The following LUZP1 variants were observed in gnomAD, a reference collection of about 807,000 sequenced individuals.
The protein encoded by LUZP1 is leucine zipper protein 1.
LUZP1 carries 25 observed loss-of-function variants against 71.3 expected under a neutral mutation model. That is an observed-to-expected ratio of 0.35 (90% CI 0.26 to 0.49). LUZP1 has a LOEUF of 0.49. Ranked by LOEUF, LUZP1 falls within the 20% of genes least tolerant of loss-of-function variation. LUZP1 has a pLI of 0.99. For missense variants in LUZP1, 1,142 were observed against 1,300.8 expected (o/e 0.88, Z 1.88); for synonymous variants, 481 against 506.4 (o/e 0.95, Z 0.67).
exon 4 of LUZP1, chr1:23,092,296 T>C: frequency 3.7e-6 from 6 of 1,614,200 alleles, no homozygotes; most frequent in Non-Finnish European, 5.1e-6. Flanking sequence ...GAGTCTGGCT[T>C]CTCTCTGCCA....
intron 2 of LUZP1, among the ~76,000 whole-genome samples, chr1:23,159,640 AT>A (rs1315614092): frequency 6.6e-6 from 1 of 152,226 alleles, no homozygotes; most frequent in Non-Finnish European, 1.5e-5. Context: ...AAATAAACTA[AT>A]GTATGAAAAA....
At chr1:23,089,118 C>A in intron 4 of LUZP1, 65 bp from the exon 4 acceptor site, 6 of 1,524,906 alleles carry the variant, frequency 3.9e-6, no homozygotes, top group Middle Eastern at 1.7e-4. Flanking sequence ...GACACCCTCA[C>A]CTGCTACCAT....
At chr1:23,084,203 CAG>C (rs781312763) in exon 5 of LUZP1, 2 of 152,276 alleles carry the variant, frequency 1.3e-5, no homozygotes, top group South Asian at 2.1e-4. Context: ...CTTAAAAAAA[CAG>C]AAATCTATTC....
At chr1:23,091,122 GA>G in intron 4 of LUZP1, 67 bp downstream of exon 3, 1 of 1,464,172 alleles carries the variant, frequency 6.8e-7, no homozygotes, top group Non-Finnish European at 9.2e-7. Context: ...GAGCAGAGGG[GA>G]AAAAGGAAAA....
At chr1:23,098,973 G>A (rs936234481) in intron 3 of LUZP1, among the ~76,000 whole-genome samples, 3 of 152,118 alleles carry the variant, frequency 2.0e-5, no homozygotes, top group Non-Finnish European at 4.4e-5. Context: ...CAAGCCTTCC[G>A]CTTCCATTCA....
At chr1:23,088,603 C>A (rs1198834578) in exon 5 of LUZP1, 4 of 309,648 alleles carry the variant, frequency 1.3e-5, no homozygotes, top group Admixed American at 4.6e-5. Context: ...GGGACTTTAT[C>A]TTCCCTTGTT....
At chr1:23,176,308 C>G (rs1459118952) in intron 1 of LUZP1, among the ~76,000 whole-genome samples, 1 of 152,094 alleles carries the variant, frequency 6.6e-6, no homozygotes, top group Non-Finnish European at 1.5e-5. Flanking sequence ...ATGATCTGCC[C>G]ACCTCAGCCT....
intron 4 of LUZP1, among the ~76,000 whole-genome samples, chr1:23,089,528 T>C (rs912512890): frequency 6.6e-6 from 1 of 152,108 alleles, no homozygotes; most frequent in African/African-American, 2.4e-5. Flanking sequence ...TCTCATCCTT[T>C]ATCTCTCCTC....
At chr1:23,085,599 TATAA>T (rs1369678801) in exon 5 of LUZP1, 1 of 152,372 alleles carries the variant, frequency 6.6e-6, no homozygotes, top group Non-Finnish European at 1.5e-5. Flanking sequence ...ACCCACTAAA[TATAA>T]AGAACTAAAA....
At chr1:23,142,948 C>T (rs956630236) in intron 2 of LUZP1, among the ~76,000 whole-genome samples, 7 of 152,056 alleles carry the variant, frequency 4.6e-5, no homozygotes, top group Admixed American at 3.3e-4. Context: ...GCAGGAGGAT[C>T]GCTTGAGCTC....
intron 2 of LUZP1, among the ~76,000 whole-genome samples, chr1:23,149,875 T>G (rs1039621972): frequency 6.9e-6 from 1 of 144,696 alleles, no homozygotes. Context: ...GGCAGGAGAA[T>G]TGCTTGAACC....
chr1:23,107,817 T>TA (rs1006700305), intron 3 of LUZP1, among the ~76,000 whole-genome samples: 1 of 152,024 alleles, frequency 6.6e-6, no homozygotes, highest in African/African-American at 2.4e-5. Flanking sequence ...TTGCAAAAAA[T>TA]AAAAAAATAC....
chr1:23,142,340 T>C (rs779029754), intron 2 of LUZP1, among the ~76,000 whole-genome samples: 5 of 152,170 alleles, frequency 3.3e-5, no homozygotes, highest in Non-Finnish European at 7.3e-5. Flanking sequence ...TTTTAGTTAA[T>C]ATTTTATTTT....
intron 2 of LUZP1, among the ~76,000 whole-genome samples, chr1:23,136,071 T>C (rs1042579014): frequency 2.0e-5 from 3 of 152,172 alleles, no homozygotes; most frequent in African/African-American, 7.2e-5. Flanking sequence ...TGAGCTTTTT[T>C]GTGCCTCTAA....
At chr1:23,112,637 G>C (rs530598026) in intron 2 of LUZP1, among the ~76,000 whole-genome samples, 1 of 152,210 alleles carries the variant, frequency 6.6e-6, no homozygotes, top group Non-Finnish European at 1.5e-5. Context: ...AAGTGAACAA[G>C]GGCTGGCAGA....
intron 2 of LUZP1, among the ~76,000 whole-genome samples, chr1:23,136,392 G>A (rs377253638): frequency 1.3e-4 from 19 of 149,370 alleles, no homozygotes; most frequent in African/African-American, 4.5e-4. Context: ...TCCAACAAAC[G>A]TAAAACAGCA....
At chr1:23,143,640 T>G (rs375135096) in intron 2 of LUZP1, among the ~76,000 whole-genome samples, 2 of 152,370 alleles carry the variant, frequency 1.3e-5, no homozygotes, top group African/African-American at 4.8e-5. Context: ...ACCATCCTTA[T>G]TTCATTTTTA....
intron 2 of LUZP1, among the ~76,000 whole-genome samples, chr1:23,134,308 C>G (rs1282868923): frequency 1.3e-5 from 2 of 151,704 alleles, no homozygotes; most frequent in Non-Finnish European, 2.9e-5. Context: ...CAGCAAGACC[C>G]CATTTCTATA....
At chr1:23,107,912 T>C (rs758315915) in intron 3 of LUZP1, among the ~76,000 whole-genome samples, 4 of 152,178 alleles carry the variant, frequency 2.6e-5, no homozygotes, top group African/African-American at 7.2e-5. Context: ...CTCAGAGGGG[T>C]TGACATGAGA....
Sources: allele counts gnomAD v4.1 joint callset (sites outside exome capture counted in the v4.1 genomes callset), GRCh38; gene constraint gnomAD v4.1.1; transcripts MANE v1.5; gene names NCBI Gene and HGNC (gene_info 2026-07-23, HGNC 2026-07-21).